CEP57: variants seen among roughly 807,000 people sequenced by gnomAD.
CEP57 encodes centrosomal protein 57.
A neutral mutation model predicts 68.0 loss-of-function variants in CEP57; 40 were observed. The observed-to-expected ratio is 0.59, with a 90% CI of 0.46 to 0.77. The LOEUF is 0.77. Among genes scored for constraint, CEP57 ranks in the 30% least tolerant of loss-of-function variants. The pLI is 0.00. For missense variants in CEP57, 606 were observed against 580.7 expected (o/e 1.04, Z -0.45); for synonymous variants, 219 against 198.7 (o/e 1.10, Z -0.86).
intron 6 of CEP57, among the ~76,000 whole-genome samples, chr11:95,819,235 A>G (rs961942796): frequency 1.2e-4 from 19 of 152,324 alleles, no homozygotes; most frequent in Admixed American, 7.8e-4. Context: ...TTTAAAAGCT[A>G]TCTTTCAGTA....
chr11:95,821,256 A>G (rs569655611), intron 6 of CEP57, among the ~76,000 whole-genome samples: 1 of 152,314 alleles, frequency 6.6e-6, no homozygotes, highest in African/African-American at 2.4e-5. Context: ...GCTTAGTGAA[A>G]AGAGCAGTCC....
chr11:95,811,743 A>G (rs1328597532), intron 2 of CEP57, among the ~76,000 whole-genome samples: 1 of 152,220 alleles, frequency 6.6e-6, no homozygotes, highest in East Asian at 1.9e-4. Context: ...AAAATTAGCC[A>G]ATAACATATA....
chr11:95,831,301 T>C lies in CEP57; in HGVS notation c.*45T>C. On this transcript the variant is annotated 3_prime_UTR_variant, in exon 11 of 11. Transcript: ENST00000325542. ...TTTTATTCAGATAATCTGTACCTCA[T>C]CAATCAGATGATGACAATTTACTTC... 1 of 1,316,272 alleles carries C rather than the reference T, an allele frequency of 7.6e-7. No homozygotes were observed. The highest frequency in any genetic ancestry group is 1.1e-6 in the Non-Finnish European group (1 of 915,226). 81.5% of individuals were successfully genotyped at this position (1,316,272 alleles called of 1,614,324 possible).
rs1434442223 is a variant in CEP57 at position 95,811,945 on chromosome 11, ATATT to A, written c.203-985_203-982del. Among the ~76,000 whole-genome samples, 18 of 29,568 alleles carry A rather than the reference ATATT, an allele frequency of 6.1e-4. No individual in the cohort carries two copies. The African/African-American group carries it at 0.012, about 19-fold the overall frequency. The allele number at this position is 29,568 out of a possible 152,430, so 19.4% of individuals were successfully genotyped here. A position where few individuals can be genotyped will look rare whatever the true frequency, so the allele number is the denominator to read the frequency against. On this transcript the variant is annotated intron_variant, in intron 2 of 10. Coordinates refer to ENST00000325542, the MANE Select transcript of CEP57 (RefSeq NM_014679.5). ...ATAATGCTAAAGTGAAAAAACCTAC[ATATT>A]TGTTTTGTCTCAATTTATTTTACAC...
intron 4 of CEP57, among the ~76,000 whole-genome samples, chr11:95,817,183 C>T (rs891030320): frequency 1.3e-5 from 2 of 149,294 alleles, no homozygotes; most frequent in African/African-American, 4.9e-5. Flanking sequence ...CTGGCTAACA[C>T]GATGAAACCA....
intron 2 of CEP57, among the ~76,000 whole-genome samples, chr11:95,810,361 C>G (rs1591062913): frequency 6.6e-6 from 1 of 152,092 alleles, no homozygotes; most frequent in African/African-American, 2.4e-5. Flanking sequence ...GGCAATCAGG[C>G]AGGAGAAAGA....
intron 2 of CEP57, among the ~76,000 whole-genome samples, chr11:95,808,476 C>G (rs953653241): frequency 5.3e-5 from 8 of 152,124 alleles, no homozygotes; most frequent in African/African-American, 1.9e-4. Flanking sequence ...AGTAGACCCA[C>G]CTCACATGCT....
intron 2 of CEP57, among the ~76,000 whole-genome samples, chr11:95,803,628 C>A (rs1861672317): frequency 7.3e-6 from 1 of 137,004 alleles, no homozygotes; most frequent in East Asian, 2.3e-4. Context: ...ATGTCCCAAG[C>A]AATAAATAGA....
At chr11:95,817,739 C>CT (rs777086706) in intron 4 of CEP57, 48 bp from the exon 5 acceptor site, 2 of 1,305,734 alleles carry the variant, frequency 1.5e-6, no homozygotes, top group East Asian at 2.3e-5. Context: ...GTGTTTTTCT[C>CT]TTTTTTGATT....
At chr11:95,794,487 G>A (rs768663067) in intron 1 of CEP57, 29 of 367,678 alleles carry the variant, frequency 7.9e-5, no homozygotes, top group African/African-American at 5.7e-4. Flanking sequence ...TTTGCTGTGT[G>A]TGTGAAATGG....
At chr11:95,803,711 G>A (rs541293707) in intron 2 of CEP57, among the ~76,000 whole-genome samples, 5 of 149,514 alleles carry the variant, frequency 3.3e-5, no homozygotes, top group East Asian at 2.0e-4. Flanking sequence ...TTTTCGGCTT[G>A]TAACTAGCTT....
intron 2 of CEP57, among the ~76,000 whole-genome samples, chr11:95,803,155 AG>A (rs1861652938): frequency 6.6e-6 from 1 of 152,172 alleles, no homozygotes; most frequent in Admixed American, 6.5e-5. Context: ...AGGAAGATGG[AG>A]AAATCTTTGA....
chr11:95,818,011 T>TGAA, intron 5 of CEP57, 108 bp downstream of exon 5: 1 of 745,980 alleles, frequency 1.3e-6, no homozygotes, highest in South Asian at 1.5e-5. Flanking sequence ...GATCTTATAA[T>TGAA]GAAGAAATAT....
At chr11:95,790,165 C>A, upstream of CEP57, 1 of 171,462 alleles carries the variant, frequency 5.8e-6, no homozygotes, top group South Asian at 1.2e-4. Flanking sequence ...CCTGGAGAGG[C>A]GTCCCCGAGG....
rs986404661 is a variant in CEP57, at chr11:95,793,326, A to G, written c.45+2583A>G. 4.6e-5 allele frequency among the ~76,000 whole-genome samples: 7 copies of G among 152,332 alleles called. No individual in the cohort carries two copies. In the East Asian group the frequency reaches 1.2e-3, roughly 25 times the overall value. On this transcript the variant is annotated intron_variant, in intron 1 of 10. Coordinates refer to ENST00000325542, the MANE Select transcript of CEP57 (RefSeq NM_014679.5). ...TATGGGCAGCATTGTGTTGAAATAC[A>G]CAAGAATGTCTTTCATGTCAGCCTT...
chr11:95,803,348 A>G (rs374766603), intron 2 of CEP57, among the ~76,000 whole-genome samples: 6 of 152,336 alleles, frequency 3.9e-5, no homozygotes, highest in African/African-American at 1.4e-4. Flanking sequence ...AACACTACTA[A>G]TGAACTCAGA....
chr11:95,818,411 C>CA (rs34940479), intron 5 of CEP57, among the ~76,000 whole-genome samples: 40,717 of 127,144 alleles, frequency 0.32, 6,631 homozygotes, highest in Non-Finnish European at 0.41. Flanking sequence ...AACTCCATCT[C>CA]AAAAAAAAAA....
intron 2 of CEP57, among the ~76,000 whole-genome samples, chr11:95,802,269 T>G (rs1861613689): frequency 6.6e-6 from 1 of 151,454 alleles, no homozygotes; most frequent in African/African-American, 2.4e-5. Context: ...TTTTTTTTTT[T>G]TTTTTGAGAC....
intron 4 of CEP57, among the ~76,000 whole-genome samples, chr11:95,813,877 C>T (rs1311661835): frequency 6.6e-6 from 1 of 152,166 alleles, no homozygotes; most frequent in East Asian, 1.9e-4. Context: ...CCATATACCT[C>T]TGTATCTCTG....
Sources: gnomAD v4.1 joint callset for allele counts (sites outside exome capture counted in the v4.1 genomes callset) on GRCh38, gnomAD v4.1.1 for gene constraint, MANE v1.5 for transcripts, NCBI Gene and HGNC (gene_info 2026-07-23, HGNC 2026-07-21) for gene names.